Variants in GRIK1 observed in about 807,000 individuals in gnomAD.
GRIK1 encodes the protein glutamate ionotropic receptor kainate type subunit 1, also known as glutamate receptor ionotropic, kainate 1.
Under a neutral mutation model 105.7 loss-of-function variants are expected in GRIK1, and 69 were observed. The ratio of observed to expected loss-of-function variants is 0.65; its 90% CI spans 0.54 to 0.80. The LOEUF (loss-of-function observed/expected upper bound fraction) is 0.80. Ranked by LOEUF, GRIK1 falls within the 30% of genes least tolerant of loss-of-function variation. The pLI, the probability that GRIK1 is intolerant of heterozygous loss-of-function variation, is 0.00. For missense variants in GRIK1, 1,109 were observed against 1,167.3 expected (o/e 0.95, Z 0.73); for synonymous variants, 438 against 431.3 (o/e 1.02, Z -0.19).
chr21:29,542,205 C>T (rs2832390), intron 16 of GRIK1, among the ~76,000 whole-genome samples: 117,037 of 152,042 alleles, frequency 0.77, 45,152 homozygotes, highest in Admixed American at 0.84. Context: ...CTACTCTGAT[C>T]CCTCCATGCT....
At chr21:29,678,028 C>A (rs1287434251) in intron 3 of GRIK1, among the ~76,000 whole-genome samples, 2 of 152,170 alleles carry the variant, frequency 1.3e-5, no homozygotes, top group Admixed American at 1.3e-4. Context: ...GAGTCTTAAT[C>A]CAATTTCCTG....
intron 1 of GRIK1, among the ~76,000 whole-genome samples, chr21:29,729,414 T>C (rs1257825683): frequency 2.0e-5 from 3 of 152,122 alleles, no homozygotes; most frequent in Non-Finnish European, 4.4e-5. Context: ...GGGCCTTTCA[T>C]TTAGGAAGGA....
chr21:29,918,458 G>A (rs118137379), intron 1 of GRIK1, among the ~76,000 whole-genome samples: 18 of 152,106 alleles, frequency 1.2e-4, no homozygotes, highest in Non-Finnish European at 1.6e-4. Flanking sequence ...GATATGAAGC[G>A]GAGATTTAAA....
At chr21:29,578,817 A>C (rs1601168229) in intron 13 of GRIK1, among the ~76,000 whole-genome samples, 1 of 152,136 alleles carries the variant, frequency 6.6e-6, no homozygotes. Context: ...TAATTGATCT[A>C]GCAGTCTTGT....
chr21:29,860,428 G>A (rs1409945295), intron 1 of GRIK1, among the ~76,000 whole-genome samples: 2 of 152,172 alleles, frequency 1.3e-5, no homozygotes, highest in Non-Finnish European at 2.9e-5. Context: ...TTGACAAATA[G>A]GGAACTCATC....
At chr21:29,757,946 T>C (rs1329721504) in intron 1 of GRIK1, among the ~76,000 whole-genome samples, 1 of 152,244 alleles carries the variant, frequency 6.6e-6, no homozygotes, top group African/African-American at 2.4e-5. Context: ...TTAGACAGCG[T>C]AGGCTATCTA....
At chr21:29,785,204 T>A (rs990735842) in intron 1 of GRIK1, among the ~76,000 whole-genome samples, 2 of 152,216 alleles carry the variant, frequency 1.3e-5, no homozygotes, top group African/African-American at 4.8e-5. Flanking sequence ...TACTCACTGC[T>A]ACAAGAAGAT....
intron 16 of GRIK1, among the ~76,000 whole-genome samples, chr21:29,542,583 A>G (rs1025405190): frequency 6.6e-6 from 1 of 152,214 alleles, no homozygotes; most frequent in Non-Finnish European, 1.5e-5. Flanking sequence ...TATTCAAAAA[A>G]CTAGACTATA....
chr21:29,758,708 TG>T (rs899828322), intron 1 of GRIK1: 1 of 152,674 alleles, frequency 6.5e-6, no homozygotes, highest in Non-Finnish European at 1.5e-5. Flanking sequence ...AGCCTGTATT[TG>T]CTTACATAGT....
At chr21:29,719,081 C>CACAT (rs1555877736) in intron 1 of GRIK1, among the ~76,000 whole-genome samples, 3 of 143,320 alleles carry the variant, frequency 2.1e-5, no homozygotes, top group Non-Finnish European at 4.5e-5. Flanking sequence ...TGTGTATATA[C>CACAT]ATATATATAT....
chr21:29,912,226 G>GTCAGCTAAGGTCA (rs1296144922), intron 1 of GRIK1, among the ~76,000 whole-genome samples: 4 of 152,094 alleles, frequency 2.6e-5, no homozygotes, highest in South Asian at 4.1e-4. Flanking sequence ...TCAGCCTAAG[G>GTCAGCTAAGGTCA]GCTAAGGTCA....
chr21:29,569,351 A>C (rs1179470047), intron 14 of GRIK1, among the ~76,000 whole-genome samples: 3 of 152,202 alleles, frequency 2.0e-5, no homozygotes, highest in Non-Finnish European at 2.9e-5. Flanking sequence ...CTACTAAGTC[A>C]TTAAATCCTC....
intron 9 of GRIK1, 59 bp from the exon 10 acceptor site, chr21:29,591,284 G>C: frequency 1.0e-6 from 1 of 962,180 alleles, no homozygotes; most frequent in East Asian, 2.4e-5. Flanking sequence ...TTACACCAAA[G>C]AGAGGCCCCT....
chr21:29,643,487 T>C (rs1568925802), intron 6 of GRIK1, among the ~76,000 whole-genome samples: 1 of 152,220 alleles, frequency 6.6e-6, no homozygotes, highest in Non-Finnish European at 1.5e-5. Context: ...GTTAAGAAGT[T>C]CATAGTCATG....
chr21:29,835,239 C>T (rs1279778864), intron 1 of GRIK1, among the ~76,000 whole-genome samples: 2 of 152,202 alleles, frequency 1.3e-5, no homozygotes, highest in Non-Finnish European at 2.9e-5. Context: ...TACTAGCCTG[C>T]AGCACCCAGC....
At chr21:29,758,247 C>T (rs186642429) in intron 1 of GRIK1, among the ~76,000 whole-genome samples, 9 of 152,276 alleles carry the variant, frequency 5.9e-5, no homozygotes, top group East Asian at 3.9e-4. Context: ...AGTCTGTTCT[C>T]GCGCTGTTAA....
chr21:29,671,322 A>C (rs530326359), intron 4 of GRIK1, among the ~76,000 whole-genome samples: 1 of 151,588 alleles, frequency 6.6e-6, no homozygotes, highest in Non-Finnish European at 1.5e-5. Context: ...ACAGGGTTTC[A>C]CCATGTTGGC....
At chr21:29,838,497 G>A (rs983174015) in intron 1 of GRIK1, among the ~76,000 whole-genome samples, 2 of 152,156 alleles carry the variant, frequency 1.3e-5, no homozygotes, top group South Asian at 4.1e-4. Flanking sequence ...AGTGACTCCT[G>A]CCCCTACTCA....
At position 29,681,191 on chromosome 21, in the gene GRIK1, G is replaced by A. The variant is rs551460513; in HGVS notation, c.545-8027C>T. Among the ~76,000 whole-genome samples, 7 of 152,272 alleles carry A rather than the reference G, an allele frequency of 4.6e-5. No individual in the cohort carries two copies. The East Asian group carries it at 1.4e-3, about 29-fold the overall frequency. ...ACATATAGGGTTCAGTACTATCCGT[G>A]GTTTCAGGCATCCACTGGAGGTCTT... On this transcript the variant is annotated intron_variant, in intron 3 of 17. Coordinates refer to ENST00000327783, the MANE Select transcript of GRIK1 (RefSeq NM_001330994.2).
Sources: gnomAD v4.1 joint callset for allele counts (sites outside exome capture counted in the v4.1 genomes callset) on GRCh38, gnomAD v4.1.1 for gene constraint, MANE v1.5 for transcripts, NCBI Gene and HGNC (gene_info 2026-07-23, HGNC 2026-07-21) for gene names.